FRS2: variants seen among roughly 807,000 people sequenced by gnomAD.
The protein encoded by FRS2 is FGFR signalling adaptor.
FRS2 carries 8 observed loss-of-function variants against 43.9 expected under a neutral mutation model. The ratio of observed to expected loss-of-function variants is 0.18; its 90% CI spans 0.11 to 0.33. FRS2 has a LOEUF of 0.33. FRS2 is among the 10% of genes least tolerant of loss of function. FRS2 has a pLI of 1.00. For synonymous variants in FRS2, 219 were observed against 220.3 expected, an observed-to-expected ratio of 0.99 and a Z score of 0.05; for missense variants, 534 against 627.6, an observed-to-expected ratio of 0.85 and a Z score of 1.59.
chr12:69,481,395 C>T, intron 1 of FRS2, among the ~76,000 whole-genome samples: 1 of 151,804 alleles, frequency 6.6e-6, no homozygotes, highest in Non-Finnish European at 1.5e-5. Flanking sequence ...ATACTCATGC[C>T]TCTCTTGTAG....
At position 69,574,362 on chromosome 12, in the gene FRS2, C is replaced by T; in HGVS notation, c.934C>T (p.Leu312=). 6.2e-7 allele frequency: 1 copy of T among 1,613,476 alleles called. No homozygotes were observed. Residue 312 remains leucine (L), a synonymous_variant, in exon 9 of 9, where the codon CTA becomes TTA. Coordinates refer to ENST00000549921, the MANE Select transcript of FRS2 (RefSeq NM_001278356.2). ...ACTGGTGTATGAAAATATAAATGGG[C>T]TATCTATCCCTAGTGCCTCAGGGGT... ...NKLVYENING[L]SIPSASGVRR... is the part of the protein sequence containing the mutation.
intron 3 of FRS2, among the ~76,000 whole-genome samples, chr12:69,538,197 T>TATATATATATA (rs1555189565): frequency 1.1e-4 from 9 of 81,618 alleles, no homozygotes; most frequent in African/African-American, 3.3e-4. Context: ...AAAACAAATT[T>TATATATATATA]TATATATATA....
intron 1 of FRS2, among the ~76,000 whole-genome samples, chr12:69,490,357 T>G (rs978709804): frequency 1.3e-5 from 2 of 152,048 alleles, no homozygotes; most frequent in Non-Finnish European, 2.9e-5. Context: ...TGAGGGATTA[T>G]AGTGTTCAGC....
chr12:69,487,950 A>G (rs184057246), intron 1 of FRS2, among the ~76,000 whole-genome samples: 3 of 152,350 alleles, frequency 2.0e-5, no homozygotes, highest in Admixed American at 6.5e-5. Flanking sequence ...AATTAGAACT[A>G]CAGCCTTAGG....
At chr12:69,554,120 C>CGTTT (rs1879143507) in intron 3 of FRS2, among the ~76,000 whole-genome samples, 1 of 152,140 alleles carries the variant, frequency 6.6e-6, no homozygotes, top group African/African-American at 2.4e-5. Context: ...TCTGCCCAAA[C>CGTTT]GTGTTTTGTA....
In FRS2 at chr12:69,478,795, C is replaced by T. The variant is rs867007687; in HGVS notation, c.-261+8265C>T. On this transcript the variant is annotated intron_variant, in intron 1 of 8. Coordinates refer to ENST00000549921, the MANE Select transcript of FRS2 (RefSeq NM_001278356.2). The stretch of plus-strand genomic sequence containing the variant: ...TTATATAATGAACTACCATGTATGA[C>T]CAACCACTTTAAAAAACAGAACACT... Among the ~76,000 whole-genome samples, 4 of 150,582 alleles carry T rather than the reference C, an allele frequency of 2.7e-5. No individual in the cohort carries two copies. The Middle Eastern group carries it at 0.01, about 387-fold the overall frequency.
chr12:69,571,308 G>C lies in FRS2; in HGVS notation c.286G>C (p.Glu96Gln), dbSNP rs759767008. ...TGCCTTTAAGTGTGCCCGTGCAGAA[G>C]AATTATTTAACATGTTGCAAGAGAT... ...IFAFKCARAEELFNMLQEIMQ... is the reference protein window; with the variant it reads ...IFAFKCARAEQLFNMLQEIMQ... The change falls in exon 7 of 9, where the codon GAA becomes CAA. Residue 96 changes from glutamate to glutamine, a missense_variant. Physicochemically the swap from Glu to Gln is conservative, Grantham distance 29. Coordinates refer to ENST00000549921, the MANE Select transcript of FRS2 (RefSeq NM_001278356.2). 39 of 1,609,620 alleles carry C rather than the reference G, an allele frequency of 2.4e-5. No individual in the cohort carries two copies. Among genetic ancestry groups the C allele is most frequent in the Non-Finnish European group, 3.1e-5 (36 of 1,177,508 alleles).
intron 3 of FRS2, among the ~76,000 whole-genome samples, chr12:69,536,565 T>G (rs1368994551): frequency 2.6e-5 from 3 of 113,800 alleles, no homozygotes; most frequent in African/African-American, 4.7e-5. Flanking sequence ...ATAGATTTAG[T>G]TTTTTTTTTT....
At chr12:69,497,296 C>T (rs1012181081) in intron 1 of FRS2, among the ~76,000 whole-genome samples, 16 of 152,328 alleles carry the variant, frequency 1.1e-4, no homozygotes, top group Non-Finnish European at 1.6e-4. Flanking sequence ...TTAGTACATT[C>T]GGGCTAATAT....
At chr12:69,471,021 T>C (rs1314624399) in intron 1 of FRS2, among the ~76,000 whole-genome samples, 1 of 152,120 alleles carries the variant, frequency 6.6e-6, no homozygotes, top group Non-Finnish European at 1.5e-5. Flanking sequence ...TGCCTGTACA[T>C]GCCAGGGATC....
intron 3 of FRS2, among the ~76,000 whole-genome samples, chr12:69,545,833 C>A (rs1240124107): frequency 6.8e-6 from 1 of 146,292 alleles, no homozygotes; most frequent in African/African-American, 2.5e-5. Flanking sequence ...TAATTTTTGA[C>A]AAGGGTGCCA....
At chr12:69,559,347 T>C (rs1278491986) in intron 3 of FRS2, among the ~76,000 whole-genome samples, 1 of 152,186 alleles carries the variant, frequency 6.6e-6, no homozygotes, top group Non-Finnish European at 1.5e-5. Flanking sequence ...GTACCAGATA[T>C]TGAAGTGATT....
intron 1 of FRS2, among the ~76,000 whole-genome samples, chr12:69,525,190 TTG>T (rs1055000795): frequency 1.6e-5 from 1 of 61,864 alleles, no homozygotes; most frequent in Non-Finnish European, 2.9e-5. Flanking sequence ...AGATGTAATA[TTG>T]TTTTTTTTTT....
intron 1 of FRS2, among the ~76,000 whole-genome samples, chr12:69,492,121 C>G (rs1236442736): frequency 6.6e-6 from 1 of 152,102 alleles, no homozygotes; most frequent in East Asian, 1.9e-4. Context: ...TTTACTTCAT[C>G]AAAAATGTAT....
At position 69,511,679 on chromosome 12, in the gene FRS2, C is replaced by T. The variant is rs1874470667; in HGVS notation, c.-260-19186C>T. Reference sequence around the variant, plus strand: ...TCCATTACAAAGGAATGGTAAACTGCTCATATCCGTGTTAGGGCCCCCATT... The same window carrying T: ...TCCATTACAAAGGAATGGTAAACTGTTCATATCCGTGTTAGGGCCCCCATT... On this transcript the variant is annotated intron_variant, in intron 1 of 8. Coordinates refer to ENST00000549921, the MANE Select transcript of FRS2 (RefSeq NM_001278356.2). 2.0e-5 allele frequency among the ~76,000 whole-genome samples: 3 copies of T among 152,116 alleles called. No individual in the cohort carries two copies. In the South Asian group the frequency reaches 6.2e-4, roughly 32 times the overall value.
intron 1 of FRS2, among the ~76,000 whole-genome samples, chr12:69,516,498 G>A (rs551464044): frequency 3.3e-5 from 5 of 152,226 alleles, no homozygotes; most frequent in South Asian, 4.1e-4. Context: ...GATTACAGGC[G>A]TGAGCCACTG....
intron 6 of FRS2, 105 bp from the exon 7 acceptor site, chr12:69,571,171 C>A: frequency 1.6e-6 from 1 of 636,678 alleles, no homozygotes. Flanking sequence ...ATTTCTGACT[C>A]GGTGCGTAGA....
intron 1 of FRS2, among the ~76,000 whole-genome samples, chr12:69,472,253 ATT>A (rs3970803): frequency 1.3e-4 from 17 of 133,290 alleles, no homozygotes; most frequent in African/African-American, 1.4e-4. Context: ...CACCTGGCTA[ATT>A]TTTTTTTTTT....
chr12:69,545,773 A>AAC (rs1242120336), intron 3 of FRS2, among the ~76,000 whole-genome samples: 1 of 142,030 alleles, frequency 7.0e-6, no homozygotes, highest in Non-Finnish European at 1.5e-5. Context: ...AAAAAAAAAA[A>AAC]AAAAACAAAA....
Sources: gnomAD v4.1 joint callset for allele counts (sites outside exome capture counted in the v4.1 genomes callset) on GRCh38, gnomAD v4.1.1 for gene constraint, MANE v1.5 for transcripts, NCBI Gene and HGNC (gene_info 2026-07-23, HGNC 2026-07-21) for gene names.